VPS13B: variants seen among roughly 807,000 people sequenced by gnomAD.
The protein encoded by VPS13B is vacuolar protein sorting 13 homolog B.
VPS13B carries 285 observed loss-of-function variants against 426.4 expected under a neutral mutation model. The observed-to-expected ratio is 0.67, with a 90% CI of 0.61 to 0.74. The LOEUF (loss-of-function observed/expected upper bound fraction) is 0.74, where lower values mean the gene tolerates loss of function less well. VPS13B is among the 30% of genes least tolerant of loss of function. The pLI is 0.00. For missense variants in VPS13B, 4,537 were observed against 4,782.6 expected, an observed-to-expected ratio of 0.95 and a Z score of 1.51; for synonymous variants, 1,676 against 1,676.4, an observed-to-expected ratio of 1.00 and a Z score of 0.01.
intron 43 of VPS13B, chr8:99,796,797 C>CCAGG (rs1812847837): frequency 6.6e-6 from 1 of 152,170 alleles, no homozygotes; most frequent in African/African-American, 2.4e-5. Context: ...AGGCTGTTTG[C>CCAGG]CAGGTGTCTT....
intron 33 of VPS13B, among the ~76,000 whole-genome samples, chr8:99,619,478 G>T (rs183953516): frequency 3.3e-5 from 5 of 152,290 alleles, no homozygotes; most frequent in Admixed American, 6.5e-5. Flanking sequence ...TGTAAATTTT[G>T]ATGTAAGACT....
Position 99,474,428 on chromosome 8 carries a change from C to G in VPS13B, c.3666+6794C>G, listed in dbSNP as rs116630748. 3.5e-3 allele frequency among the ~76,000 whole-genome samples: 533 copies of G among 152,074 alleles called. 1 individual carries two copies. Among genetic ancestry groups the G allele is most frequent in the African/African-American group, 0.012 (509 of 41,464 alleles). On this transcript the variant is annotated intron_variant, in intron 24 of 61. Coordinates refer to ENST00000357162, the MANE Select transcript of VPS13B (RefSeq NM_152564.5). ...TCTCAAACTCCCAATTTCAAGCAAT[C>G]CACCTGCCTCGGCCTCCCAAAGTGC...
chr8:99,695,000 A>G (rs960891087), intron 35 of VPS13B, among the ~76,000 whole-genome samples: 2 of 149,666 alleles, frequency 1.3e-5, no homozygotes, highest in Non-Finnish European at 3.0e-5. Context: ...ACTATGAGAT[A>G]TCATCTCACA....
chr8:99,582,728 T>A (rs1826125572), intron 33 of VPS13B, among the ~76,000 whole-genome samples: 1 of 152,140 alleles, frequency 6.6e-6, no homozygotes, highest in Non-Finnish European at 1.5e-5. Context: ...CAATCTCGGC[T>A]CACTGCAAGC....
chr8:99,647,262 C>G (rs2133940343), intron 34 of VPS13B, among the ~76,000 whole-genome samples: 1 of 152,164 alleles, frequency 6.6e-6, no homozygotes, highest in African/African-American at 2.4e-5. Flanking sequence ...TTGTTTTACT[C>G]TTTAAAAAGT....
Position 99,853,874 on chromosome 8 carries a change from T to C in VPS13B, c.10485T>C (p.Asn3495=). The C allele has an allele frequency of 6.2e-7, 1 of 1,614,270 alleles. No homozygotes were observed. The highest frequency in any genetic ancestry group is 8.5e-7 in the Non-Finnish European group (1 of 1,180,052). The change falls in exon 56 of 62, where the codon AAT becomes AAC. Residue 3495 remains asparagine, a synonymous_variant. Transcript: ENST00000357162. ...GCAAGAGCATCCTCTGTGATATTAA[T>C]GAGTTCAGCTTTGAATTAAAACCTG... ...NEGKSILCDI[N]EFSFELKPAR... is the part of the protein sequence containing the mutation.
At chr8:99,080,604 C>G (rs1399293633) in intron 3 of VPS13B, among the ~76,000 whole-genome samples, 3 of 152,062 alleles carry the variant, frequency 2.0e-5, no homozygotes, top group African/African-American at 7.2e-5. Context: ...TATTATGGTT[C>G]TAAAATAAAT....
chr8:99,264,561 G>A (rs980253452), intron 17 of VPS13B, among the ~76,000 whole-genome samples: 3 of 152,072 alleles, frequency 2.0e-5, no homozygotes, highest in Non-Finnish European at 4.4e-5. Context: ...TTGTCTTCTT[G>A]CTTTTGGCAT....
intron 35 of VPS13B, among the ~76,000 whole-genome samples, chr8:99,674,032 A>G (rs118121425): frequency 3.5e-3 from 533 of 152,144 alleles, no homozygotes; most frequent in Non-Finnish European, 5.8e-3. Context: ...AGGATGTTCC[A>G]TGTGCAATTA....
chr8:99,178,158 TA>T (rs1364533676), intron 16 of VPS13B, among the ~76,000 whole-genome samples: 28 of 151,454 alleles, frequency 1.8e-4, no homozygotes, highest in African/African-American at 6.0e-4. Context: ...TTTTTTATTT[TA>T]TTTTTTTTTT....
In VPS13B at chr8:99,125,805, CAG is replaced by C. The variant is rs568996883; in HGVS notation, c.1206+4362_1206+4363del. The stretch of plus-strand genomic sequence containing the variant: ...ATTATGTATATTTTATGCAAAAGGA[CAG>C]ATAAAAATGCAAATGGTAGTTGAGT... On this transcript the variant is annotated intron_variant, in intron 8 of 61. Coordinates refer to ENST00000357162, the MANE Select transcript of VPS13B (RefSeq NM_152564.5). 6.3e-3 allele frequency among the ~76,000 whole-genome samples: 963 copies of C among 152,094 alleles called. 8 individuals are homozygous for C. The highest frequency in any genetic ancestry group is 0.022 in the African/African-American group (903 of 41,474).
intron 3 of VPS13B, among the ~76,000 whole-genome samples, chr8:99,069,069 T>G (rs1844711059): frequency 6.6e-6 from 1 of 152,204 alleles, no homozygotes; most frequent in East Asian, 1.9e-4. Context: ...TCTAGATTGT[T>G]ATAGGAATTT....
intron 40 of VPS13B, among the ~76,000 whole-genome samples, chr8:99,768,801 A>G (rs989798758): frequency 2.0e-5 from 3 of 152,218 alleles, no homozygotes; most frequent in Non-Finnish European, 4.4e-5. Flanking sequence ...TCCTGTGATG[A>G]ATTATTTCAT....
intron 23 of VPS13B, among the ~76,000 whole-genome samples, chr8:99,463,487 A>C (rs1818942581): frequency 2.6e-5 from 4 of 152,202 alleles, no homozygotes; most frequent in Admixed American, 2.6e-4. Flanking sequence ...AACACAAAAC[A>C]GTATTCCAAA....
intron 34 of VPS13B, among the ~76,000 whole-genome samples, chr8:99,645,081 C>A (rs902310628): frequency 1.3e-5 from 2 of 152,114 alleles, no homozygotes; most frequent in Admixed American, 6.6e-5. Context: ...CTCTATGGGT[C>A]CCCTGAAAAG....
chr8:99,070,473 C>G (rs991665068), intron 3 of VPS13B, among the ~76,000 whole-genome samples: 3 of 152,172 alleles, frequency 2.0e-5, no homozygotes, highest in African/African-American at 7.2e-5. Flanking sequence ...TTAACTACAA[C>G]TGCTTGAGAT....
chr8:99,532,762 T>G, intron 30 of VPS13B, among the ~76,000 whole-genome samples: 1 of 52 alleles, frequency 0.019, no homozygotes, highest in South Asian at 0.25. Context: ...TTTTATTGTA[T>G]TTTTTGTGTT....
intron 17 of VPS13B, 137 bp from the exon 18 acceptor site, chr8:99,274,061 A>G: frequency 8.0e-7 from 1 of 1,251,802 alleles, no homozygotes; most frequent in Non-Finnish European, 1.1e-6. Context: ...ATACTAAACT[A>G]TGAAACCTAA....
intron 2 of VPS13B, among the ~76,000 whole-genome samples, chr8:99,028,981 C>T (rs564159038): frequency 7.5e-5 from 11 of 147,636 alleles, no homozygotes; most frequent in African/African-American, 2.3e-4. Flanking sequence ...ACTTCTCAGA[C>T]GGGGCGGCTG....
Sources: allele counts gnomAD v4.1 joint callset (sites outside exome capture counted in the v4.1 genomes callset), GRCh38; gene constraint gnomAD v4.1.1; transcripts MANE v1.5; gene names NCBI Gene and HGNC (gene_info 2026-07-23, HGNC 2026-07-21).